Variants in SRBD1 observed in about 807,000 individuals in gnomAD.
The protein encoded by SRBD1 is S1 RNA binding domain 1.
SRBD1 carries 88 observed loss-of-function variants against 115.3 expected under a neutral mutation model. That is an observed-to-expected ratio of 0.76 (90% CI 0.64 to 0.91). SRBD1 has a LOEUF of 0.91. Among genes scored for constraint, SRBD1 ranks in the 40% least tolerant of loss-of-function variants. The pLI is 0.00. For missense variants in SRBD1, 1,385 were observed against 1,177.4 expected (o/e 1.18, Z -2.58); for synonymous variants, 509 against 407.7 (o/e 1.25, Z -2.99).
intron 14 of SRBD1, among the ~76,000 whole-genome samples, chr2:45,508,100 T>C (rs9967899): frequency 0.36 from 54,873 of 152,018 alleles, 11,057 homozygotes; most frequent in Non-Finnish European, 0.46. Context: ...ATTTAGAAGG[T>C]TGTTCAGCTA....
chr2:45,430,038 T>C (rs1195489857), intron 16 of SRBD1, among the ~76,000 whole-genome samples: 4 of 152,130 alleles, frequency 2.6e-5, no homozygotes, highest in African/African-American at 9.7e-5. Context: ...CCATTCACAA[T>C]TGCTACAAAG....
Position 45,480,874 on chromosome 2 carries a change from C to T in SRBD1, c.1967-3799G>A, listed in dbSNP as rs549914237. 3.3e-5 allele frequency among the ~76,000 whole-genome samples: 5 copies of T among 152,216 alleles called. No individual in the cohort carries two copies. The East Asian group carries it at 9.7e-4, about 29-fold the overall frequency. On this transcript the variant is annotated intron_variant, in intron 15 of 20. Coordinates refer to ENST00000263736, the MANE Select transcript of SRBD1 (RefSeq NM_018079.5). Reference sequence around the variant, plus strand: ...GACTTCAATTTTAAATAAAGTTCTACTGAATGTAAAAGGCTACCAAACAGC... The same window carrying T: ...GACTTCAATTTTAAATAAAGTTCTATTGAATGTAAAAGGCTACCAAACAGC...
intron 19 of SRBD1, among the ~76,000 whole-genome samples, chr2:45,407,632 A>G (rs894410483): frequency 7.2e-5 from 11 of 152,120 alleles, no homozygotes; most frequent in African/African-American, 2.7e-4. Flanking sequence ...ATTCAGAGTA[A>G]TTATTAAAGT....
At position 45,547,553 on chromosome 2, in the gene SRBD1, C is replaced by G; in HGVS notation, c.1735G>C (p.Glu579Gln). The G allele has an allele frequency of 6.2e-7, 1 of 1,613,742 alleles. No homozygotes were observed. Among genetic ancestry groups the G allele is most frequent in the Non-Finnish European group, 8.5e-7 (1 of 1,179,764 alleles). Residue 579 changes from glutamate to glutamine, a missense_variant, in exon 13 of 21, where the codon GAG becomes CAG. Transcript: ENST00000263736. Reference protein sequence around the residue: ...LHCGQGFREAEKIKTLLLNFN... With the variant: ...LHCGQGFREAQKIKTLLLNFN... ...TTCAGCAAAAGTGTCTTTATTTTCT[C>G]CGCCTCTCGGAAGCCTTGTCCACAA...
rs376984926 is a variant in SRBD1, at chr2:45,551,190, C to T, written c.1610G>A (p.Arg537His). Residue 537 changes from arginine to histidine, a missense_variant, in exon 12 of 21, where the codon CGC becomes CAC. Transcript: ENST00000263736. ...ACCAGGATCCACTCCCATTAAGGTG[C>T]GCCCTGGAACAGGGCTTGTTAAAAG... ...QLLLTSPVPG[R>H]TLMGVDPGYK... The T allele has an allele frequency of 1.5e-5, 24 of 1,612,612 alleles. No homozygotes were observed. The highest frequency in any genetic ancestry group is 1.1e-4 in the African/African-American group (8 of 74,984).
intron 1 of SRBD1, among the ~76,000 whole-genome samples, chr2:45,610,318 C>T (rs1329767553): frequency 6.6e-6 from 1 of 152,116 alleles, no homozygotes; most frequent in African/African-American, 2.4e-5. Flanking sequence ...CAAAGGAGGA[C>T]AATTTCTTAA....
chr2:45,448,827 G>A (rs1360677963), intron 16 of SRBD1, among the ~76,000 whole-genome samples: 1 of 151,684 alleles, frequency 6.6e-6, no homozygotes, highest in Non-Finnish European at 1.5e-5. Flanking sequence ...TCTCCTTAGG[G>A]GAAAAAAAGT....
chr2:45,566,129 T>C (rs183266124), intron 9 of SRBD1, among the ~76,000 whole-genome samples: 4 of 152,196 alleles, frequency 2.6e-5, no homozygotes, highest in African/African-American at 7.2e-5. Flanking sequence ...AAAAATGGCA[T>C]AGCCACTCTG....
At chr2:45,583,832 A>C (rs554363468) in intron 5 of SRBD1, among the ~76,000 whole-genome samples, 1 of 152,290 alleles carries the variant, frequency 6.6e-6, no homozygotes, top group Non-Finnish European at 1.5e-5. Flanking sequence ...TTCAAGGAAT[A>C]TTCACTCCTC....
At chr2:45,501,054 C>T (rs1670616222) in intron 14 of SRBD1, among the ~76,000 whole-genome samples, 1 of 152,066 alleles carries the variant, frequency 6.6e-6, no homozygotes, top group Non-Finnish European at 1.5e-5. Flanking sequence ...AGGTATGTTC[C>T]TTCTCCACCC....
chr2:45,500,483 C>T (rs1352764859), intron 14 of SRBD1, among the ~76,000 whole-genome samples: 1 of 151,560 alleles, frequency 6.6e-6, no homozygotes, highest in Non-Finnish European at 1.5e-5. Context: ...AGTGCAGTGG[C>T]ACAATCACGG....
In SRBD1 at chr2:45,413,158, C is replaced by G. The variant is rs1667653594; in HGVS notation, c.2469G>C (p.Leu823Phe). ...AVNVLLKPNP[L>F]DQTCIHPESY... ...ATTCTGGATGAATACAAGTTTGGTC[C>G]AAAGGATTTGGCTTCAGTAAAACAT... is the stretch of plus-strand genomic sequence containing the variant. The change falls in exon 19 of 21, where the codon TTG becomes TTC. Residue 823 changes from leucine to phenylalanine, a missense_variant. Leu to Phe is a conservative substitution (Grantham distance 22). Coordinates refer to ENST00000263736, the MANE Select transcript of SRBD1 (RefSeq NM_018079.5). 1 of 1,614,062 alleles carries G rather than the reference C, an allele frequency of 6.2e-7. No individual in the cohort carries two copies. The highest frequency in any genetic ancestry group is 8.5e-7 in the Non-Finnish European group (1 of 1,179,976).
In SRBD1 at chr2:45,587,188, T is replaced by C. The variant is rs7609444; in HGVS notation, c.649-1414A>G. Among the ~76,000 whole-genome samples, 210 of 134,786 alleles carry C rather than the reference T, an allele frequency of 1.6e-3. 2 individuals are homozygous for C. The highest frequency in any genetic ancestry group is 1.9e-3 in the Admixed American group (26 of 13,890). 88.4% of individuals were successfully genotyped at this position (134,786 alleles called of 152,430 possible). On this transcript the variant is annotated intron_variant, in intron 4 of 20. Transcript: ENST00000263736. The stretch of plus-strand genomic sequence containing the variant: ...TTATAAATATTAAAATATTTAAAAA[T>C]TTTTAAATATTTAATTATTTTAAAA...
At chr2:45,414,235 G>A (rs1261438193) in intron 18 of SRBD1, among the ~76,000 whole-genome samples, 1 of 151,954 alleles carries the variant, frequency 6.6e-6, no homozygotes. Context: ...AGGTATGTAA[G>A]GACTTAAGTA....
At chr2:45,550,484 T>C (rs1302342413) in intron 12 of SRBD1, among the ~76,000 whole-genome samples, 1 of 124,956 alleles carries the variant, frequency 8.0e-6, no homozygotes, top group Non-Finnish European at 1.7e-5. Flanking sequence ...CAACAAAAAT[T>C]ACAGTAGCCA....
chr2:45,586,011 C>G (rs935397309), intron 4 of SRBD1, among the ~76,000 whole-genome samples: 20 of 152,120 alleles, frequency 1.3e-4, no homozygotes, highest in African/African-American at 4.8e-4. Flanking sequence ...CATTCAAATT[C>G]CAGTGTTCAA....
At chr2:45,455,952 C>T (rs1669139180) in intron 16 of SRBD1, among the ~76,000 whole-genome samples, 1 of 151,756 alleles carries the variant, frequency 6.6e-6, no homozygotes, top group Non-Finnish European at 1.5e-5. Context: ...ACCATCACTA[C>T]AGTTTCACCT....
chr2:45,598,919 A>G (rs1355945593), intron 4 of SRBD1, among the ~76,000 whole-genome samples: 1 of 152,196 alleles, frequency 6.6e-6, no homozygotes, highest in Non-Finnish European at 1.5e-5. Flanking sequence ...ACTGTCCCCA[A>G]AGCCAGCCAA....
intron 16 of SRBD1, among the ~76,000 whole-genome samples, chr2:45,439,380 A>T (rs990182216): frequency 6.9e-6 from 1 of 145,902 alleles, no homozygotes; most frequent in Non-Finnish European, 1.5e-5. Flanking sequence ...TATATATATA[A>T]AACAATTGAT....
Sources: allele counts gnomAD v4.1 joint callset (sites outside exome capture counted in the v4.1 genomes callset), GRCh38; gene constraint gnomAD v4.1.1; transcripts MANE v1.5; gene names NCBI Gene and HGNC (gene_info 2026-07-23, HGNC 2026-07-21).